Variants in UPP2 observed in about 807,000 individuals in gnomAD.
UPP2 encodes uridine phosphorylase 2, also known as UPase 2.
In UPP2, 23 loss-of-function variants were observed where a neutral mutation model predicts 26.7. The ratio of observed to expected loss-of-function variants is 0.86; its 90% confidence interval spans 0.62 to 1.22. The LOEUF (loss-of-function observed/expected upper bound fraction) is 1.22. Ranked by LOEUF, UPP2 falls within the 50% of genes most tolerant of loss-of-function variation. UPP2 has a pLI of 0.00. For missense variants in UPP2, 387 were observed against 396.7 expected, an observed-to-expected ratio of 0.98 and a Z score of 0.21; for synonymous variants, 127 against 141.3, an observed-to-expected ratio of 0.90 and a Z score of 0.72.
At chr2:158,115,042 C>A in intron 2 of UPP2, 59 bp from the exon 3 acceptor site, 5 of 1,477,142 alleles carry the variant, frequency 3.4e-6, no homozygotes, top group Non-Finnish European at 4.5e-6. Context: ...AGAGTTGAAA[C>A]TGACCCGTGG....
Position 158,121,570 on chromosome 2 carries a change from T to A in UPP2, c.616T>A (p.Phe206Ile). The A allele has an allele frequency of 6.2e-7, 1 of 1,613,504 alleles. No homozygotes were observed. Residue 206 changes from phenylalanine (F) to isoleucine (I), a missense_variant, in exon 5 of 7, where the codon TTC (phenylalanine) becomes ATC (isoleucine). Physicochemically the swap from Phe to Ile is conservative, Grantham distance 21. Coordinates refer to ENST00000005756, the MANE Select transcript of UPP2 (RefSeq NM_173355.4). ...CAACTGTAGCAAAGAAATCCCCAAC[T>A]TCCCAACCCTCGTTGGACATACAAT... ...LFNCSKEIPN[F>I]PTLVGHTMCT...
intron 3 of UPP2, among the ~76,000 whole-genome samples, chr2:158,017,234 G>T (rs2105145537): frequency 6.6e-6 from 1 of 152,206 alleles, no homozygotes; most frequent in Non-Finnish European, 1.5e-5. Flanking sequence ...GCTCTTCTAT[G>T]ATTTTAAGTG....
At chr2:158,097,797 A>G (rs1169279800), upstream of UPP2, among the ~76,000 whole-genome samples, 2 of 152,216 alleles carry the variant, frequency 1.3e-5, no homozygotes, top group Non-Finnish European at 2.9e-5. Context: ...AAAAAAGAGC[A>G]AAACAAACAC....
At chr2:158,065,705 T>C in intron 3 of UPP2, 1 of 646,782 alleles carries the variant, frequency 1.5e-6, no homozygotes, top group Admixed American at 2.1e-5. Context: ...AAGCAACTTA[T>C]GACACTACTC....
At chr2:158,065,761 A>T in intron 3 of UPP2, 1 of 686,914 alleles carries the variant, frequency 1.5e-6, no homozygotes, top group South Asian at 1.6e-5. Flanking sequence ...CCTTTTGATG[A>T]TGGTGCACCA....
intron 3 of UPP2, among the ~76,000 whole-genome samples, chr2:158,079,777 G>A (rs944802079): frequency 3.3e-5 from 5 of 152,148 alleles, no homozygotes; most frequent in Non-Finnish European, 5.9e-5. Flanking sequence ...GTTCGAGTGA[G>A]TCAGAATTGA....
chr2:158,001,221 AC>A (rs1344949584), intron 2 of UPP2, among the ~76,000 whole-genome samples: 3 of 152,184 alleles, frequency 2.0e-5, no homozygotes, highest in Non-Finnish European at 4.4e-5. Context: ...CAAATGGTCC[AC>A]TCAAATTGGG....
Position 158,103,486 on chromosome 2 carries a change from C to G in UPP2, c.62+1361C>G, listed in dbSNP as rs113283336. ...GAGATAGGGTCTAGGGATAAGTACT[C>G]TTTAAAGTGCCCCTGGTGGTTCTGA... is the stretch of plus-strand genomic sequence containing the variant. On this transcript the variant is annotated intron_variant, in intron 1 of 6. Coordinates refer to ENST00000005756, the MANE Select transcript of UPP2 (RefSeq NM_173355.4). Among the ~76,000 whole-genome samples, 585 of 152,214 alleles carry G rather than the reference C, an allele frequency of 3.8e-3. 7 individuals are homozygous for G. The highest frequency in any genetic ancestry group is 0.013 in the African/African-American group (547 of 41,512).
chr2:158,002,304 A>G (rs545523895), intron 2 of UPP2, among the ~76,000 whole-genome samples: 1 of 152,362 alleles, frequency 6.6e-6, no homozygotes, highest in South Asian at 2.1e-4. Flanking sequence ...GCCAGAGGCA[A>G]TCCCACCATT....
intron 3 of UPP2, among the ~76,000 whole-genome samples, chr2:158,043,710 G>A (rs1030374881): frequency 2.0e-5 from 3 of 152,122 alleles, no homozygotes; most frequent in African/African-American, 7.2e-5. Flanking sequence ...TCATGATCTT[G>A]CCCATATTGC....
intron 3 of UPP2, among the ~76,000 whole-genome samples, chr2:158,056,279 G>A (rs780180426): frequency 6.2e-4 from 94 of 151,922 alleles, no homozygotes; most frequent in Non-Finnish European, 9.4e-4. Flanking sequence ...ACCCCACACC[G>A]AGATTCCCCA....
At chr2:158,038,551 C>T (rs1340722867) in intron 3 of UPP2, among the ~76,000 whole-genome samples, 1 of 152,164 alleles carries the variant, frequency 6.6e-6, no homozygotes, top group East Asian at 1.9e-4. Context: ...ATATTTTTTT[C>T]CAGTTCAGTT....
intron 3 of UPP2, among the ~76,000 whole-genome samples, chr2:158,039,396 A>T (rs1003882330): frequency 6.6e-6 from 1 of 152,244 alleles, no homozygotes; most frequent in Non-Finnish European, 1.5e-5. Flanking sequence ...GTATTTACAA[A>T]GCAAATGCTA....
At chr2:158,030,092 C>T (rs1435305942) in intron 3 of UPP2, among the ~76,000 whole-genome samples, 1 of 152,156 alleles carries the variant, frequency 6.6e-6, no homozygotes, top group Non-Finnish European at 1.5e-5. Flanking sequence ...ATTTTACAGA[C>T]ATCATCTCAC....
At chr2:158,079,448 C>T (rs1292043626) in intron 3 of UPP2, among the ~76,000 whole-genome samples, 1 of 152,006 alleles carries the variant, frequency 6.6e-6, no homozygotes, top group East Asian at 1.9e-4. Flanking sequence ...CTATTCACCT[C>T]CTGGAAGATC....
At chr2:158,120,683 G>A (rs1339841275) in intron 4 of UPP2, among the ~76,000 whole-genome samples, 1 of 151,960 alleles carries the variant, frequency 6.6e-6, no homozygotes, top group Non-Finnish European at 1.5e-5. Context: ...ATGGGCCTGG[G>A]GAAATTTAGT....
At chr2:158,083,282 A>G (rs1441568290) in intron 3 of UPP2, among the ~76,000 whole-genome samples, 2 of 152,226 alleles carry the variant, frequency 1.3e-5, no homozygotes, top group Admixed American at 6.5e-5. Flanking sequence ...CACTGTTCAC[A>G]ATAGCAAAGA....
At chr2:158,021,315 C>T (rs900616872) in intron 3 of UPP2, among the ~76,000 whole-genome samples, 1 of 152,220 alleles carries the variant, frequency 6.6e-6, no homozygotes, top group Non-Finnish European at 1.5e-5. Context: ...CCAAGCCAGT[C>T]TAAGTATGTA....
chr2:158,044,585 T>A (rs1684124934), intron 3 of UPP2, among the ~76,000 whole-genome samples: 1 of 152,122 alleles, frequency 6.6e-6, no homozygotes, highest in African/African-American at 2.4e-5. Context: ...TGAGATTTAG[T>A]GACACTCGTG....
Sources: allele counts gnomAD v4.1 joint callset (sites outside exome capture counted in the v4.1 genomes callset), GRCh38; gene constraint gnomAD v4.1.1; transcripts MANE v1.5; gene names NCBI Gene and HGNC (gene_info 2026-07-23, HGNC 2026-07-21).